The following STX6 variants were observed in gnomAD, a reference collection of about 807,000 sequenced individuals.
STX6 encodes syntaxin-6.
STX6 carries 23 observed loss-of-function variants against 38.0 expected under a neutral mutation model. That is an observed-to-expected ratio of 0.60 (90% CI 0.43 to 0.86). The LOEUF (loss-of-function observed/expected upper bound fraction) is 0.86. Among genes scored for constraint, STX6 ranks in the 40% least tolerant of loss-of-function variants. The pLI, the probability that STX6 is intolerant of heterozygous loss-of-function variation, is 0.00. For synonymous variants in STX6, 123 were observed against 107.5 expected, an observed-to-expected ratio of 1.14 and a Z score of -0.89; for missense variants, 274 against 312.9, an observed-to-expected ratio of 0.88 and a Z score of 0.94.
chr1:181,003,344 C>T (rs1487385030), intron 2 of STX6, among the ~76,000 whole-genome samples: 1 of 152,172 alleles, frequency 6.6e-6, no homozygotes, highest in Non-Finnish European at 1.5e-5. Flanking sequence ...ATCTCTGTAA[C>T]CAACAAAATG....
In STX6 at chr1:181,008,903, T is replaced by C. The variant is rs11487341; in HGVS notation, c.36-3440A>G. Among the ~76,000 whole-genome samples, 473 of 152,126 alleles carry C rather than the reference T, an allele frequency of 3.1e-3. 1 individual carries two copies. Among genetic ancestry groups the C allele is most frequent in the African/African-American group, 0.011 (456 of 41,500 alleles). The stretch of plus-strand genomic sequence containing the variant: ...AAGCCTGCAAGTCTGAGAAACCAGT[T>C]TGTCATTCTCTCCAGTAAAAATGAG... On this transcript the variant is annotated intron_variant, in intron 1 of 7. Coordinates refer to ENST00000258301, the MANE Select transcript of STX6 (RefSeq NM_005819.6).
intron 1 of STX6, among the ~76,000 whole-genome samples, chr1:181,020,262 T>C (rs938155279): frequency 2.0e-5 from 3 of 152,210 alleles, no homozygotes; most frequent in Non-Finnish European, 2.9e-5. Flanking sequence ...ATCAATTATT[T>C]CTGATGAAAA....
At chr1:181,019,738 C>T (rs1656671971) in intron 1 of STX6, among the ~76,000 whole-genome samples, 1 of 152,194 alleles carries the variant, frequency 6.6e-6, no homozygotes, top group Non-Finnish European at 1.5e-5. Context: ...TGCTGTCCAA[C>T]ACGGAAGCCA....
At position 180,972,875 on chromosome 1, in the gene STX6, CAAAA is replaced by C. The variant is rs372906189; in HGVS notation, c.*3691_*3694del. The C allele has an allele frequency of 5.8e-5, 11 of 189,762 alleles. No individual in the cohort carries two copies. In the East Asian group the frequency reaches 1.3e-3, roughly 22 times the overall value. The allele number at this position is 189,762 out of a possible 1,614,324, so 11.8% of individuals were successfully genotyped here. Reference sequence around the variant, plus strand: ...TTCTGGTTTGGTTTTATTTTTTAATCAAAAAAAAAAAAAGGAGAGAAAGAAAAGA... The same window carrying C: ...TTCTGGTTTGGTTTTATTTTTTAATCAAAAAAAAAGGAGAGAAAGAAAAGA... On this transcript the variant is annotated 3_prime_UTR_variant, in exon 8 of 8. Coordinates refer to ENST00000258301, the MANE Select transcript of STX6 (RefSeq NM_005819.6).
At chr1:181,014,228 T>C (rs1410477794) in intron 1 of STX6, among the ~76,000 whole-genome samples, 2 of 151,922 alleles carry the variant, frequency 1.3e-5, no homozygotes. Flanking sequence ...AAACCGTCTC[T>C]ACTAAAAATA....
At chr1:180,999,661 G>A (rs202219240) in intron 3 of STX6, among the ~76,000 whole-genome samples, 23 of 149,412 alleles carry the variant, frequency 1.5e-4, no homozygotes, top group South Asian at 2.1e-4. Flanking sequence ...AGCAAATAAA[G>A]AAAAAAAAAA....
intron 1 of STX6, among the ~76,000 whole-genome samples, chr1:181,020,520 A>G (rs1037650133): frequency 2.6e-5 from 4 of 152,230 alleles, no homozygotes; most frequent in African/African-American, 9.6e-5. Flanking sequence ...AATAGATCCC[A>G]GGACAGCTGA....
At chr1:180,984,552 A>G (rs1027586343) in intron 7 of STX6, 125 bp downstream of exon 7, 7 of 448,514 alleles carry the variant, frequency 1.6e-5, no homozygotes, top group Non-Finnish European at 2.9e-5. Context: ...CTGTCTCAAA[A>G]AAAAGAGAAA....
intron 1 of STX6, among the ~76,000 whole-genome samples, chr1:181,008,778 TA>T (rs1325794837): frequency 6.7e-6 from 1 of 148,412 alleles, no homozygotes; most frequent in Non-Finnish European, 1.5e-5. Flanking sequence ...TTATCACTGG[TA>T]AAAATACTGT....
At chr1:181,015,902 G>A (rs1178914814) in intron 1 of STX6, among the ~76,000 whole-genome samples, 3 of 152,016 alleles carry the variant, frequency 2.0e-5, no homozygotes, top group African/African-American at 7.2e-5. Flanking sequence ...CTCATGATTC[G>A]CCTGCCTTGG....
intron 3 of STX6, among the ~76,000 whole-genome samples, chr1:180,997,705 A>G (rs1655953006): frequency 6.6e-6 from 1 of 152,210 alleles, no homozygotes; most frequent in Non-Finnish European, 1.5e-5. Flanking sequence ...AATGACCAAG[A>G]GGTTCCCATT....
At position 180,982,591 on chromosome 1, in the gene STX6, G is replaced by T. The variant is rs1035735609; in HGVS notation, c.691+2086C>A. 3.3e-5 allele frequency among the ~76,000 whole-genome samples: 5 copies of T among 152,222 alleles called. No individual in the cohort carries two copies. The South Asian group carries it at 1.0e-3, about 32-fold the overall frequency. ...TACTTTTCTAAATTATTCATACCCAGAATGCTGGGAAACAAAGACAGTGCA... is the reference window on the plus strand; with the variant it reads ...TACTTTTCTAAATTATTCATACCCATAATGCTGGGAAACAAAGACAGTGCA... On this transcript the variant is annotated intron_variant, in intron 7 of 7. Coordinates refer to ENST00000258301, the MANE Select transcript of STX6 (RefSeq NM_005819.6).
At chr1:180,981,885 G>A (rs1445651773) in intron 7 of STX6, among the ~76,000 whole-genome samples, 2 of 152,104 alleles carry the variant, frequency 1.3e-5, no homozygotes, top group Admixed American at 6.5e-5. Flanking sequence ...GCAAGCTCAG[G>A]ACCTGCCTCA....
At position 181,022,774 on chromosome 1, in the gene STX6, C is replaced by G; in HGVS notation, c.-101G>C. 3.9e-6 allele frequency: 5 copies of G among 1,279,552 alleles called. No homozygotes were observed. Among genetic ancestry groups the G allele is most frequent in the Non-Finnish European group, 5.5e-6 (5 of 911,620 alleles). 79.3% of individuals were successfully genotyped at this position (1,279,552 alleles called of 1,614,324 possible). ...CCGCCTGTTCCCGCAGCTGCCCGCG[C>G]CTTAGTCTGGGTGAAGCCGAGCAGC... On this transcript the variant is annotated 5_prime_UTR_variant, in exon 1 of 8. Coordinates refer to ENST00000258301, the MANE Select transcript of STX6 (RefSeq NM_005819.6).
At chr1:181,020,214 C>CA (rs113021127) in intron 1 of STX6, among the ~76,000 whole-genome samples, 4,699 of 136,878 alleles carry the variant, frequency 0.034, 82 homozygotes, top group Middle Eastern at 0.055. Flanking sequence ...GACTCTGTCT[C>CA]AAAAAAAAAA....
intron 4 of STX6, among the ~76,000 whole-genome samples, chr1:180,992,663 A>C (rs1015075390): frequency 3.9e-5 from 6 of 152,218 alleles, no homozygotes; most frequent in Admixed American, 3.9e-4. Flanking sequence ...AAAAAGTCTA[A>C]ATCAAATCTC....
At chr1:180,995,350 C>T (rs1655877055) in intron 3 of STX6, among the ~76,000 whole-genome samples, 1 of 152,150 alleles carries the variant, frequency 6.6e-6, no homozygotes, top group African/African-American at 2.4e-5. Flanking sequence ...AGCCCCCTCC[C>T]CATCCCCATT....
In STX6 at chr1:181,022,695, T is replaced by C. The variant is rs1478114041; in HGVS notation, c.-22A>G. The C allele has an allele frequency of 6.2e-7, 1 of 1,602,044 alleles. No homozygotes were observed. Among genetic ancestry groups the C allele is most frequent in the Non-Finnish European group, 8.5e-7 (1 of 1,175,372 alleles). The stretch of plus-strand genomic sequence containing the variant: ...ACATGGCGTCCCGGCCCCGGCCGCC[T>C]TCACCTCCTCCGCGCACAGGGCGCC... On this transcript the variant is annotated 5_prime_UTR_variant, in exon 1 of 8. Transcript: ENST00000258301.
intron 6 of STX6, among the ~76,000 whole-genome samples, chr1:180,987,496 G>C (rs1054629201): frequency 6.6e-6 from 1 of 152,222 alleles, no homozygotes; most frequent in African/African-American, 2.4e-5. Flanking sequence ...TTGGCTTCCA[G>C]AAGGCCCGGT....
Sources: allele counts gnomAD v4.1 joint callset (sites outside exome capture counted in the v4.1 genomes callset), GRCh38; gene constraint gnomAD v4.1.1; transcripts MANE v1.5; gene names NCBI Gene and HGNC (gene_info 2026-07-23, HGNC 2026-07-21).